The following MYO10 variants were observed in gnomAD, a reference collection of about 807,000 sequenced individuals.
MYO10 encodes the protein unconventional myosin-X.
Under a neutral mutation model 257.3 loss-of-function variants are expected in MYO10, and 133 were observed. That is an observed-to-expected ratio of 0.52 (90% confidence interval 0.45 to 0.60). The LOEUF (loss-of-function observed/expected upper bound fraction) is 0.60. Ranked by LOEUF, MYO10 falls within the 20% of genes least tolerant of loss-of-function variation. The probability of loss-of-function intolerance (pLI) is 0.00; values close to 1 mark genes in which losing one functional copy is unlikely to be tolerated. For synonymous variants in MYO10, 1,104 were observed against 1,028.6 expected, an observed-to-expected ratio of 1.07 and a Z score of -1.40; for missense variants, 2,399 against 2,635.7, an observed-to-expected ratio of 0.91 and a Z score of 1.97.
intron 9 of MYO10, among the ~76,000 whole-genome samples, chr5:16,773,661 CAAA>C (rs35170602): frequency 4.4e-5 from 5 of 113,072 alleles, no homozygotes; most frequent in Admixed American, 2.0e-4. Context: ...GACCTTGTCT[CAAA>C]AAAAAAAAAA....
intron 29 of MYO10, among the ~76,000 whole-genome samples, chr5:16,684,723 T>TTGTA (rs1737164939): frequency 6.6e-6 from 1 of 151,618 alleles, no homozygotes; most frequent in Non-Finnish European, 1.5e-5. Context: ...TTTTGTAACT[T>TTGTA]TGTGTCTGGG....
At chr5:16,882,570 A>C (rs1744785304) in intron 1 of MYO10, among the ~76,000 whole-genome samples, 2 of 151,608 alleles carry the variant, frequency 1.3e-5, no homozygotes, top group Non-Finnish European at 2.9e-5. Context: ...CAGTTATTTA[A>C]ATTAAAAAAA....
chr5:16,856,411 G>A (rs1047111782), intron 2 of MYO10, among the ~76,000 whole-genome samples: 3 of 152,008 alleles, frequency 2.0e-5, no homozygotes, highest in Non-Finnish European at 2.9e-5. Flanking sequence ...CTAGCTGGGC[G>A]TGGTGGTGTA....
intron 2 of MYO10, among the ~76,000 whole-genome samples, chr5:16,863,492 C>G (rs774529484): frequency 3.3e-5 from 5 of 152,206 alleles, no homozygotes; most frequent in African/African-American, 9.6e-5. Context: ...GTACCTTTGG[C>G]AAGCTAAGGT....
intron 4 of MYO10, among the ~76,000 whole-genome samples, chr5:16,792,630 G>A (rs1741805791): frequency 6.6e-6 from 1 of 152,062 alleles, no homozygotes; most frequent in Admixed American, 6.6e-5. Flanking sequence ...AAGGAGAAAG[G>A]CAGCACCTGC....
chr5:16,796,291 AAAAGAAAGAAGG>A (rs1383876914), intron 3 of MYO10, among the ~76,000 whole-genome samples: 1 of 149,196 alleles, frequency 6.7e-6, no homozygotes, highest in East Asian at 1.9e-4. Context: ...AAGAAAGAAG[AAAAGAAAGAAGG>A]AAAGAAAGGG....
At chr5:16,671,058 C>A (rs899623986) in intron 38 of MYO10, 80 bp from the exon 39 acceptor site, 3 of 1,266,886 alleles carry the variant, frequency 2.4e-6, no homozygotes, top group Admixed American at 2.4e-5. Context: ...TCCCTCACTT[C>A]ATGAGGGTTT....
Position 16,762,625 on chromosome 5 carries a change from G to C in MYO10, c.1507C>G (p.Leu503Val), listed in dbSNP as rs776527354. The C allele has an allele frequency of 6.2e-7, 1 of 1,603,908 alleles. No homozygotes were observed. Among genetic ancestry groups the C allele is most frequent in the African/African-American group, 1.3e-5 (1 of 74,898 alleles). The change falls in exon 15 of 41, where the codon CTA becomes GTA. Residue 503 changes from leucine (L) to valine (V), a missense_variant. By Grantham distance (32) the Leu-to-Val change is conservative (BLOSUM62 1). Around this residue, in one of 3 missense-constraint regions of MYO10, gnomAD observed 337 missense variants for 446.8 expected, o/e 0.75. Coordinates refer to ENST00000513610, the MANE Select transcript of MYO10 (RefSeq NM_012334.3). Reference protein sequence around the residue: ...LDLIEKKLGLLALINEESHFP... With the variant: ...LDLIEKKLGLVALINEESHFP... ...TGGCTTTCTTCATTGATAAGGGCTA[G>C]GAGGCCAAGTTTCTAGAAGAAGAAA...
chr5:16,720,639 T>C (rs1203995715), intron 19 of MYO10, among the ~76,000 whole-genome samples: 1 of 152,096 alleles, frequency 6.6e-6, no homozygotes, highest in African/African-American at 2.4e-5. Context: ...TTTGTATTTT[T>C]AGTAAAGACG....
At chr5:16,887,568 G>T (rs978797527) in intron 1 of MYO10, among the ~76,000 whole-genome samples, 2 of 152,182 alleles carry the variant, frequency 1.3e-5, no homozygotes, top group Admixed American at 1.3e-4. Context: ...TCGGCTTACT[G>T]AAATCTCTGC....
intron 2 of MYO10, among the ~76,000 whole-genome samples, chr5:16,825,388 G>T (rs2126712687): frequency 6.6e-6 from 1 of 152,190 alleles, no homozygotes; most frequent in African/African-American, 2.4e-5. Flanking sequence ...TCTTGGTCAG[G>T]ATCTTTCACA....
intron 19 of MYO10, among the ~76,000 whole-genome samples, chr5:16,717,142 CT>C (rs558839622): frequency 2.0e-5 from 3 of 152,188 alleles, no homozygotes; most frequent in Non-Finnish European, 4.4e-5. Context: ...CGGCCTTAAA[CT>C]GGTTTTAACA....
intron 1 of MYO10, among the ~76,000 whole-genome samples, chr5:16,891,015 G>A (rs2126774129): frequency 6.6e-6 from 1 of 151,822 alleles, no homozygotes; most frequent in Non-Finnish European, 1.5e-5. Context: ...AGGCACGGTG[G>A]CTCACATCTG....
chr5:16,766,473 C>T (rs1157698000), intron 10 of MYO10, among the ~76,000 whole-genome samples: 3 of 152,186 alleles, frequency 2.0e-5, no homozygotes, highest in Admixed American at 2.0e-4. Flanking sequence ...CTCGCTCTGT[C>T]GCCCAGGCTG....
chr5:16,935,758 G>A (rs1457627501), intron 1 of MYO10, 30 bp downstream of exon 1: 8 of 1,613,344 alleles, frequency 5.0e-6, no homozygotes, highest in Non-Finnish European at 6.8e-6. Context: ...CTGGGCTCCG[G>A]AGGCCAGGTC....
chr5:16,750,357 A>T (rs1298114996), intron 19 of MYO10, among the ~76,000 whole-genome samples: 1 of 151,876 alleles, frequency 6.6e-6, no homozygotes, highest in Non-Finnish European at 1.5e-5. Flanking sequence ...TCAATTATAC[A>T]CTCCTCCTTT....
At chr5:16,849,423 A>T (rs1308348088) in intron 2 of MYO10, among the ~76,000 whole-genome samples, 2 of 152,232 alleles carry the variant, frequency 1.3e-5, no homozygotes, top group Non-Finnish European at 2.9e-5. Context: ...TCAAGTTTGT[A>T]TGTATAAAAG....
chr5:16,670,760 G>A lies in MYO10; in HGVS notation c.5649C>T (p.Ser1883=). ...TCCGCCTCAGGGTCCCCTCTAGGAA[G>A]CTCGTCCGCCTCTTCTCCAGCCGTT... ...PCERLEKRRT[S]FLEGTLRRSF... Residue 1883 remains serine, a synonymous_variant, in exon 39 of 41, where the codon AGC becomes AGT. Transcript: ENST00000513610. 2 of 1,614,034 alleles carry A rather than the reference G, an allele frequency of 1.2e-6. No homozygotes were observed. Among genetic ancestry groups the A allele is most frequent in the Non-Finnish European group, 1.7e-6 (2 of 1,179,900 alleles).
chr5:16,881,528 A>G (rs1363575916), intron 1 of MYO10, among the ~76,000 whole-genome samples: 1 of 152,222 alleles, frequency 6.6e-6, no homozygotes, highest in Non-Finnish European at 1.5e-5. Context: ...TCCACAGCCC[A>G]TTGGCCAGTT....
Sources: allele counts gnomAD v4.1 joint callset (sites outside exome capture counted in the v4.1 genomes callset), GRCh38; gene constraint gnomAD v4.1.1; regional missense constraint gnomAD v4.1.1; transcripts MANE v1.5; gene names NCBI Gene and HGNC (gene_info 2026-07-23, HGNC 2026-07-21).